The following ADAMTS2 variants were observed in gnomAD, a reference collection of about 807,000 sequenced individuals.
ADAMTS2 encodes A disintegrin and metalloproteinase with thrombospondin motifs 2.
A neutral mutation model predicts 123.0 loss-of-function variants in ADAMTS2; 50 were observed. The observed-to-expected ratio is 0.41, with a 90% CI of 0.32 to 0.51. The LOEUF (loss-of-function observed/expected upper bound fraction) is 0.51, where lower values mean the gene tolerates loss of function less well. ADAMTS2 is among the 20% of genes least tolerant of loss of function. The probability of loss-of-function intolerance (pLI) is 0.35; values close to 1 mark genes in which losing one functional copy is unlikely to be tolerated. For missense variants in ADAMTS2, 1,494 were observed against 1,705.2 expected, an observed-to-expected ratio of 0.88 and a Z score of 2.18; for synonymous variants, 678 against 695.4, an observed-to-expected ratio of 0.98 and a Z score of 0.39.
At chr5:179,283,549 C>CAAAAAAAAAAAAAAAAAAAAAA (rs3986816) in intron 2 of ADAMTS2, among the ~76,000 whole-genome samples, 1 of 51,332 alleles carries the variant, frequency 1.9e-5, no homozygotes, top group African/African-American at 9.5e-5. Flanking sequence ...AGAAAAACAG[C>CAAAAAAAAAAAAAAAAAAAAAA]AAAAAAAAAA....
intron 6 of ADAMTS2, among the ~76,000 whole-genome samples, chr5:179,156,001 A>AT (rs1468067227): frequency 1.3e-5 from 2 of 152,064 alleles, no homozygotes; most frequent in East Asian, 1.9e-4. Flanking sequence ...GAAAATCTGC[A>AT]TTTTTTGCTC....
intron 4 of ADAMTS2, among the ~76,000 whole-genome samples, chr5:179,203,025 G>A (rs1429442004): frequency 1.3e-5 from 2 of 152,204 alleles, no homozygotes; most frequent in African/African-American, 4.8e-5. Context: ...TCCCAGCCCA[G>A]GCTCTGCCAC....
chr5:179,136,959 G>C (rs1045615216), intron 12 of ADAMTS2, among the ~76,000 whole-genome samples: 24 of 149,834 alleles, frequency 1.6e-4, no homozygotes, highest in African/African-American at 5.9e-4. Flanking sequence ...AACAGAGTGA[G>C]ACTCCGTCTC....
chr5:179,300,470 T>C (rs1443201035), intron 2 of ADAMTS2, among the ~76,000 whole-genome samples: 1 of 152,216 alleles, frequency 6.6e-6, no homozygotes, highest in East Asian at 1.9e-4. Context: ...AATGTTTAAT[T>C]GTAAACAATG....
rs866270348 is a variant in ADAMTS2, at chr5:179,260,736, G to A, written c.688+12175C>T. 4.6e-5 allele frequency among the ~76,000 whole-genome samples: 7 copies of A among 152,174 alleles called. No individual in the cohort carries two copies. The highest frequency in any genetic ancestry group is 7.3e-5 in the Non-Finnish European group (5 of 68,036). On this transcript the variant is annotated intron_variant, in intron 3 of 21. Coordinates refer to ENST00000251582, the MANE Select transcript of ADAMTS2 (RefSeq NM_014244.5). The surrounding 1 kb of genome is among the most constrained non-coding windows in gnomAD (Gnocchi z 4.2). ...GGCACAGCAAAAGCACCAACCCACC[G>A]TGGGGCTCATTACAAGAATCCTAGG...
rs554981797 is a variant in ADAMTS2 at position 179,171,298 on chromosome 5, G to A, written c.975+9774C>T. ...AGATGGCTCCTCCGGTCCCACAGAC[G>A]CTGCTCCCAAGCCCTGTGGCCCACA... is the stretch of plus-strand genomic sequence containing the variant. On this transcript the variant is annotated intron_variant, in intron 5 of 21. Transcript: ENST00000251582. Among the ~76,000 whole-genome samples, 169 of 152,208 alleles carry A rather than the reference G, an allele frequency of 1.1e-3. 1 individual carries two copies. The highest frequency in any genetic ancestry group is 1.5e-3 in the Non-Finnish European group (105 of 67,988).
intron 18 of ADAMTS2, among the ~76,000 whole-genome samples, chr5:179,125,413 C>T (rs944521709): frequency 1.3e-5 from 2 of 152,226 alleles, no homozygotes; most frequent in African/African-American, 4.8e-5. Context: ...GAGTCCCATG[C>T]ATGTCACCAC....
chr5:179,342,181 C>T (rs755717146), intron 2 of ADAMTS2, among the ~76,000 whole-genome samples: 7 of 152,296 alleles, frequency 4.6e-5, no homozygotes, highest in Admixed American at 1.3e-4. Flanking sequence ...AGTGACAAGT[C>T]CTCCCCAAAA....
At chr5:179,157,702 A>T (rs961922456) in intron 6 of ADAMTS2, among the ~76,000 whole-genome samples, 3 of 151,644 alleles carry the variant, frequency 2.0e-5, no homozygotes, top group Non-Finnish European at 1.5e-5. Context: ...TCCAATGTCT[A>T]GTGAGGTTGA....
intron 13 of ADAMTS2, among the ~76,000 whole-genome samples, chr5:179,135,237 G>A (rs75782830): frequency 0.15 from 21,892 of 142,810 alleles, 2,166 homozygotes; most frequent in Non-Finnish European, 0.22. Flanking sequence ...CCTTCCTGCC[G>A]ATGCGGCTGT....
At chr5:179,179,256 T>TG (rs2113308010) in intron 5 of ADAMTS2, among the ~76,000 whole-genome samples, 1 of 31,998 alleles carries the variant, frequency 3.1e-5, no homozygotes, top group East Asian at 4.2e-3. Flanking sequence ...CCCTAGTAGG[T>TG]TTTTTTTTTT....
At chr5:179,125,287 A>G (rs1762834407) in intron 18 of ADAMTS2, 107 bp from the exon 19 acceptor site, 1 of 991,854 alleles carries the variant, frequency 1.0e-6, no homozygotes, top group Non-Finnish European at 1.6e-6. Context: ...GCGAGCACAG[A>G]GGGCAGCCTG....
At chr5:179,167,951 GC>G (rs1254818719) in intron 5 of ADAMTS2, among the ~76,000 whole-genome samples, 1 of 152,174 alleles carries the variant, frequency 6.6e-6, no homozygotes, top group Non-Finnish European at 1.5e-5. Flanking sequence ...GCTGGCTCAT[GC>G]CCCCAAGGGG....
chr5:179,275,897 C>G (rs1002836315), intron 2 of ADAMTS2, among the ~76,000 whole-genome samples: 1 of 152,176 alleles, frequency 6.6e-6, no homozygotes, highest in Non-Finnish European at 1.5e-5. Context: ...TGCCATTCTC[C>G]GAGGGGCATG....
intron 4 of ADAMTS2, among the ~76,000 whole-genome samples, chr5:179,184,989 G>T (rs1581174111): frequency 6.6e-6 from 1 of 152,186 alleles, no homozygotes; most frequent in Non-Finnish European, 1.5e-5. Context: ...AAACAGAACA[G>T]GGTAGCTCAG....
rs1282911743 is a variant in ADAMTS2 at position 179,226,456 on chromosome 5, T to C, written c.689-18741A>G. On this transcript the variant is annotated intron_variant, in intron 3 of 21. Transcript: ENST00000251582. Reference sequence around the variant, plus strand: ...TAATTTTTTTTTTTTTTTGTATTTTTAGTAGAGACAGGATTTCACCATGTT... The same window carrying C: ...TAATTTTTTTTTTTTTTTGTATTTTCAGTAGAGACAGGATTTCACCATGTT... Among the ~76,000 whole-genome samples, 5 of 150,746 alleles carry C rather than the reference T, an allele frequency of 3.3e-5. No individual in the cohort carries two copies. The East Asian group carries it at 7.9e-4, about 24-fold the overall frequency.
chr5:179,223,782 T>C (rs1765204129), intron 3 of ADAMTS2, among the ~76,000 whole-genome samples: 2 of 151,984 alleles, frequency 1.3e-5, no homozygotes, highest in Non-Finnish European at 2.9e-5. Context: ...AGTCTATGGA[T>C]GTGTGTGCAT....
intron 10 of ADAMTS2, among the ~76,000 whole-genome samples, chr5:179,150,709 G>A (rs762441670): frequency 3.3e-5 from 5 of 152,148 alleles, no homozygotes; most frequent in East Asian, 3.8e-4. Flanking sequence ...ATGAAATTCC[G>A]GAATAGGCAA....
rs1245326081 is a variant in ADAMTS2, at chr5:179,117,414, C to G, written c.3179-3090G>C. Among the ~76,000 whole-genome samples the G allele has an allele frequency of 6.6e-6, 1 of 152,224 alleles. No homozygotes were observed. Among genetic ancestry groups the G allele is most frequent in the African/African-American group, 2.4e-5 (1 of 41,454 alleles). Reference sequence around the variant, plus strand: ...CATCTCCACTCCCTCACTGTCTCCCCCACCAGGCTGGGATCCCTGAAAAGC... The same window carrying G: ...CATCTCCACTCCCTCACTGTCTCCCGCACCAGGCTGGGATCCCTGAAAAGC... On this transcript the variant is annotated intron_variant, in intron 21 of 21. Coordinates refer to ENST00000251582, the MANE Select transcript of ADAMTS2 (RefSeq NM_014244.5). The surrounding 1 kb of genome is among the most constrained non-coding windows in gnomAD (Gnocchi z 4.2).
Sources: allele counts gnomAD v4.1 joint callset (sites outside exome capture counted in the v4.1 genomes callset), GRCh38; gene constraint gnomAD v4.1.1; non-coding constraint Gnocchi (gnomAD v3.1); transcripts MANE v1.5; gene names NCBI Gene and HGNC (gene_info 2026-07-23, HGNC 2026-07-21).